FAS: variants seen among roughly 807,000 people sequenced by gnomAD.
FAS encodes the protein Fas cell surface death receptor.
Under a neutral mutation model 33.2 loss-of-function variants are expected in FAS, and 5 were observed. That is an observed-to-expected ratio of 0.15 (90% CI 0.08 to 0.32). The LOEUF is 0.32. Among genes scored for constraint, FAS ranks in the 10% least tolerant of loss-of-function variants. The probability of loss-of-function intolerance (pLI) is 1.00; values close to 1 mark genes in which losing one functional copy is unlikely to be tolerated. For missense variants in FAS, 339 were observed against 386.0 expected (o/e 0.88, Z 1.02); for synonymous variants, 131 against 130.7 (o/e 1.00, Z -0.01).
rs779564431 is a variant in FAS at position 89,015,729 on chromosome 10, T to C, written c.*1279T>C. The stretch of plus-strand genomic sequence containing the variant: ...ATTTATGGAGGATTTTTTTGCCCCT[T>C]GTGTTTGGAATTATAAAATATAGGT... On this transcript the variant is annotated 3_prime_UTR_variant, in exon 9 of 9. Transcript: ENST00000652046. 3 of 500,054 alleles carry C rather than the reference T, an allele frequency of 6.0e-6. No homozygotes were observed. The highest frequency in any genetic ancestry group is 1.2e-5 in the Non-Finnish European group (3 of 260,714). 31.0% of individuals were successfully genotyped at this position (500,054 alleles called of 1,614,324 possible). A position where few individuals can be genotyped will look rare whatever the true frequency, so the allele number is the denominator to read the frequency against.
intron 2 of FAS, chr10:88,974,831 G>C (rs1589419350): frequency 6.6e-6 from 1 of 152,256 alleles, no homozygotes; most frequent in East Asian, 1.9e-4. Flanking sequence ...GTGGAACGTG[G>C]CCCTGCAGTT....
chr10:88,980,069 GA>G (rs1846673290), intron 2 of FAS, among the ~76,000 whole-genome samples: 1 of 152,208 alleles, frequency 6.6e-6, no homozygotes, highest in Admixed American at 6.5e-5. Flanking sequence ...CTTTCCACTT[GA>G]AATTTTATTT....
At chr10:88,987,186 T>TC (rs1232838298), upstream of FAS, among the ~76,000 whole-genome samples, 1 of 152,232 alleles carries the variant, frequency 6.6e-6, no homozygotes, top group Non-Finnish European at 1.5e-5. Context: ...AGAAGTAATA[T>TC]CCCTAGATAG....
chr10:88,991,027 A>G (rs2133386018), intron 1 of FAS, 121 bp downstream of exon 1: 1 of 1,381,788 alleles, frequency 7.2e-7, no homozygotes, highest in Non-Finnish European at 1.0e-6. Context: ...GGCACCTGGG[A>G]GCGGCGGGCT....
At chr10:88,983,512 T>C (rs561776392), upstream of FAS, among the ~76,000 whole-genome samples, 12 of 151,426 alleles carry the variant, frequency 7.9e-5, no homozygotes, top group Non-Finnish European at 1.3e-4. Flanking sequence ...TGTGTGACTT[T>C]GGGCAAGTCT....
At position 89,016,757 on chromosome 10, in the gene FAS, A is replaced by G. The variant is rs991444827; in HGVS notation, c.*2307A>G. ...CCCAAAGGTCACCCATGAGCTGCAG[A>G]AAAAAAGGCTATTTGCAGAAGGAGC... On this transcript the variant is annotated 3_prime_UTR_variant, in exon 9 of 9. Coordinates refer to ENST00000652046, the MANE Select transcript of FAS (RefSeq NM_000043.6). 3 of 220,932 alleles carry G rather than the reference A, an allele frequency of 1.4e-5. No individual in the cohort carries two copies. The highest frequency in any genetic ancestry group is 1.2e-4 in the Admixed American group (2 of 17,344). The allele number at this position is 220,932 out of a possible 1,614,324, so 13.7% of individuals were successfully genotyped here.
At chr10:88,978,398 A>G (rs181247776) in intron 2 of FAS, among the ~76,000 whole-genome samples, 4 of 151,948 alleles carry the variant, frequency 2.6e-5, no homozygotes, top group African/African-American at 9.7e-5. Context: ...TTAAAGTATA[A>G]TAAAAAATAA....
chr10:89,012,853 C>CAAGAAATACACCGAGAAAAGAAACCA (rs1848600548), intron 7 of FAS: 1 of 153,350 alleles, frequency 6.5e-6, no homozygotes, highest in African/African-American at 2.4e-5. Flanking sequence ...TTTCAGATAG[C>CAAGAAATACACCGAGAAAAGAAACCA]AAGAAATACA....
At chr10:88,988,845 G>A (rs36206197), upstream of FAS, among the ~76,000 whole-genome samples, 13,344 of 152,194 alleles carry the variant, frequency 0.088, 768 homozygotes, top group Non-Finnish European at 0.12. Context: ...GCCCTGAGAA[G>A]TTTTGGATTC....
chr10:88,964,867 T>C (rs1161349200), intron 1 of FAS, among the ~76,000 whole-genome samples: 1 of 152,164 alleles, frequency 6.6e-6, no homozygotes, highest in African/African-American at 2.4e-5. Flanking sequence ...TGTAACTTTC[T>C]TTTGCCCGCC....
intron 1 of FAS, among the ~76,000 whole-genome samples, chr10:88,997,904 T>C (rs1325061636): frequency 6.6e-6 from 1 of 152,156 alleles, no homozygotes; most frequent in East Asian, 1.9e-4. Flanking sequence ...GTAGCTCTAG[T>C]TCATATTGGC....
chr10:88,966,223 A>G (rs987624), intron 1 of FAS, among the ~76,000 whole-genome samples: 125,218 of 152,182 alleles, frequency 0.82, 51,780 homozygotes, highest in African/African-American at 0.85. Flanking sequence ...GAAGAATAGT[A>G]AGGAATGATC....
At chr10:88,968,049 T>A (rs772210249) in intron 1 of FAS, among the ~76,000 whole-genome samples, 3 of 152,174 alleles carry the variant, frequency 2.0e-5, no homozygotes, top group African/African-American at 7.2e-5. Flanking sequence ...TTTCTACTTG[T>A]GACCTTAAGG....
chr10:88,994,119 G>T (rs982676827), intron 1 of FAS, among the ~76,000 whole-genome samples: 4 of 152,196 alleles, frequency 2.6e-5, no homozygotes, highest in African/African-American at 9.7e-5. Context: ...TGAGACACTG[G>T]ACAAGTAATT....
At chr10:88,972,648 A>G (rs189474323) in intron 1 of FAS, among the ~76,000 whole-genome samples, 2 of 152,134 alleles carry the variant, frequency 1.3e-5, no homozygotes, top group South Asian at 2.1e-4. Flanking sequence ...TACAATATAC[A>G]TCCTTAAATA....
chr10:88,971,588 C>CT (rs1220534584), intron 1 of FAS, among the ~76,000 whole-genome samples: 4 of 152,102 alleles, frequency 2.6e-5, no homozygotes, highest in Non-Finnish European at 5.9e-5. Flanking sequence ...TTGGATTTGC[C>CT]TTTTTTTCTT....
chr10:88,989,580 G>GT (rs774151958), upstream of FAS: 3 of 540,288 alleles, frequency 5.6e-6, no homozygotes, highest in South Asian at 2.8e-5. Flanking sequence ...AAGACTGGTG[G>GT]TAAGTGCAGT....
intron 2 of FAS, chr10:88,974,779 G>A (rs1846526402): frequency 6.6e-6 from 1 of 152,108 alleles, no homozygotes; most frequent in Non-Finnish European, 1.5e-5. Context: ...AGCATTTTTG[G>A]GATCCTGATT....
chr10:88,995,435 C>A (rs9658683), intron 1 of FAS, among the ~76,000 whole-genome samples: 6 of 152,108 alleles, frequency 3.9e-5, no homozygotes, highest in Non-Finnish European at 7.3e-5. Context: ...GCCCAGTCAC[C>A]CCATCTTTAG....
Sources: allele counts gnomAD v4.1 joint callset (sites outside exome capture counted in the v4.1 genomes callset), GRCh38; gene constraint gnomAD v4.1.1; transcripts MANE v1.5; gene names NCBI Gene and HGNC (gene_info 2026-07-23, HGNC 2026-07-21).